HTRA4: variants seen among roughly 807,000 people sequenced by gnomAD.
HTRA4 encodes the protein serine protease HTRA4.
HTRA4 carries 46 observed loss-of-function variants against 49.1 expected under a neutral mutation model. That is an observed-to-expected ratio of 0.94 (90% CI 0.74 to 1.20). The LOEUF (loss-of-function observed/expected upper bound fraction) is 1.20, where lower values mean the gene tolerates loss of function less well. Ranked by LOEUF, HTRA4 falls within the 50% of genes most tolerant of loss-of-function variation. The pLI, the probability that HTRA4 is intolerant of heterozygous loss-of-function variation, is 0.00. For missense variants in HTRA4, 602 were observed against 636.9 expected (o/e 0.95, Z 0.59); for synonymous variants, 261 against 264.0 (o/e 0.99, Z 0.11).
At chr8:38,981,301 G>A (rs1366219726) in intron 5 of HTRA4, among the ~76,000 whole-genome samples, 9 of 151,394 alleles carry the variant, frequency 5.9e-5, no homozygotes, top group Non-Finnish European at 1.5e-5. Context: ...GGATGGTCTC[G>A]ATCTCCTGAC....
rs141254036 is a variant in HTRA4 at position 38,975,115 on chromosome 8, T to A, written c.551T>A (p.Val184Glu). 6.2e-7 allele frequency: 1 copy of A among 1,613,718 alleles called. No homozygotes were observed. Among genetic ancestry groups the A allele is most frequent in the Admixed American group, 1.7e-5 (1 of 60,014 alleles). The change falls in exon 2 of 9, where the codon GTG (valine) becomes GAG (glutamate). Residue 184 changes from valine (V) to glutamate (E), a missense_variant. By Grantham distance (121) the Val-to-Glu change is moderately radical. Coordinates refer to ENST00000302495, the MANE Select transcript of HTRA4 (RefSeq NM_153692.4). ...VEKVAPSVVH[V>E]QLWGRLLHGS... ...AAGGTGGCGCCATCGGTGGTTCACG[T>A]GCAGCTGTGGGGCAGGTAAAGGAGG...
chr8:38,986,544 C>T (rs993070476), intron 8 of HTRA4, among the ~76,000 whole-genome samples: 9 of 152,200 alleles, frequency 5.9e-5, no homozygotes, highest in Non-Finnish European at 2.9e-5. Flanking sequence ...GCTGGGATTA[C>T]AGTGTGAGCC....
chr8:38,975,124 G>T lies in HTRA4; in HGVS notation c.560G>T (p.Trp187Leu). ...VAPSVVHVQL[W>L]GRLLHGSRLV... Reference sequence around the variant, plus strand: ...CCATCGGTGGTTCACGTGCAGCTGTGGGGCAGGTAAAGGAGGAGGAGGAAG... The same window carrying T: ...CCATCGGTGGTTCACGTGCAGCTGTTGGGCAGGTAAAGGAGGAGGAGGAAG... The change falls in exon 2 of 9, where the codon TGG becomes TTG. Residue 187 changes from tryptophan to leucine, a missense_variant. By Grantham distance (61) the Trp-to-Leu change is moderately conservative. Coordinates refer to ENST00000302495, the MANE Select transcript of HTRA4 (RefSeq NM_153692.4). 6.2e-7 allele frequency: 1 copy of T among 1,613,466 alleles called. No individual in the cohort carries two copies. The highest frequency in any genetic ancestry group is 8.5e-7 in the Non-Finnish European group (1 of 1,179,962).
At chr8:38,987,293 ATATACTC>A (rs1275932744) in intron 8 of HTRA4, among the ~76,000 whole-genome samples, 4 of 152,302 alleles carry the variant, frequency 2.6e-5, no homozygotes, top group South Asian at 2.1e-4. Context: ...CTTCTAGAAT[ATATACTC>A]TATGTGAAGC....
intron 3 of HTRA4, 147 bp downstream of exon 3, chr8:38,976,886 CT>C: frequency 1.3e-6 from 1 of 771,288 alleles, no homozygotes; most frequent in Non-Finnish European, 2.1e-6. Context: ...TTTACTCCCT[CT>C]TTTATTTATT....
intron 8 of HTRA4, among the ~76,000 whole-genome samples, chr8:38,985,161 CTTT>C (rs773305917): frequency 2.3e-5 from 3 of 130,692 alleles, no homozygotes; most frequent in African/African-American, 5.6e-5. Context: ...TGTTGTACTT[CTTT>C]TTTTTTTTTT....
In HTRA4 at chr8:38,981,063, G is replaced by GTTTTTTTTTTT. The variant is rs71216700; in HGVS notation, c.1000-566_1000-556dup. 7.5e-4 allele frequency among the ~76,000 whole-genome samples: 36 copies of GTTTTTTTTTTT among 48,152 alleles called. 3 individuals are homozygous for GTTTTTTTTTTT. The highest frequency in any genetic ancestry group is 4.4e-3 in the East Asian group (4 of 914). The allele number at this position is 48,152 out of a possible 152,430, so 31.6% of individuals were successfully genotyped here. On this transcript the variant is annotated intron_variant, in intron 5 of 8. Coordinates refer to ENST00000302495, the MANE Select transcript of HTRA4 (RefSeq NM_153692.4). ...TACTAAAGGAAAAAAATGAGCTTAA[G>GTTTTTTTTTTT]TTTTTTTTTTTTTTTTTTTTTTTTT...
At position 38,988,375 on chromosome 8, in the gene HTRA4, G is replaced by A. The variant is rs1275635814; in HGVS notation, c.*277G>A. ...CCATTATCCTCAGCAAACTAACGCA[G>A]GAACAGAAAACCAAATACTGCATGT... is the stretch of plus-strand genomic sequence containing the variant. On this transcript the variant is annotated 3_prime_UTR_variant, in exon 9 of 9. Coordinates refer to ENST00000302495, the MANE Select transcript of HTRA4 (RefSeq NM_153692.4). 3 of 225,938 alleles carry A rather than the reference G, an allele frequency of 1.3e-5. No individual in the cohort carries two copies. Among genetic ancestry groups the A allele is most frequent in the Non-Finnish European group, 2.6e-5 (3 of 117,118 alleles). The allele number at this position is 225,938 out of a possible 1,614,324, so 14.0% of individuals were successfully genotyped here. A position where few individuals can be genotyped will look rare whatever the true frequency, so the allele number is the denominator to read the frequency against.
chr8:38,978,236 C>A, intron 4 of HTRA4, 89 bp downstream of exon 4: 1 of 1,163,292 alleles, frequency 8.6e-7, no homozygotes, highest in Non-Finnish European at 1.2e-6. Context: ...GCACAGCAGG[C>A]TGTGAGCCAT....
chr8:38,982,382 C>T (rs1835434230), intron 6 of HTRA4, 116 bp from the exon 7 acceptor site: 1 of 832,058 alleles, frequency 1.2e-6, no homozygotes, highest in South Asian at 1.6e-5. Flanking sequence ...GTGTTTCATC[C>T]AGGTAACCTG....
Position 38,974,246 on chromosome 8 carries a change from A to C in HTRA4, c.-18A>C. ...CCAGAGTAAAGTCACTGAAGAGTGG[A>C]AGCGAGGAAGGAACAGGATGATTAG... On this transcript the variant is annotated 5_prime_UTR_variant, in exon 1 of 9. Transcript: ENST00000302495. 6.2e-7 allele frequency: 1 copy of C among 1,611,856 alleles called. No individual in the cohort carries two copies. Among genetic ancestry groups the C allele is most frequent in the Non-Finnish European group, 8.5e-7 (1 of 1,179,090 alleles).
intron 5 of HTRA4, 111 bp from the exon 6 acceptor site, chr8:38,981,542 C>A (rs1383235369): frequency 2.8e-6 from 2 of 714,080 alleles, no homozygotes; most frequent in Admixed American, 2.4e-5. Flanking sequence ...TCCTCTCGGC[C>A]CTGTTTTCTG....
intron 6 of HTRA4, 28 bp from the exon 7 acceptor site, chr8:38,982,470 T>A: frequency 6.2e-7 from 1 of 1,602,736 alleles, no homozygotes; most frequent in Non-Finnish European, 8.5e-7. Context: ...GAGGTTTTGT[T>A]GTAACACATC....
intron 2 of HTRA4, among the ~76,000 whole-genome samples, chr8:38,975,894 T>C (rs1181074421): frequency 6.6e-6 from 1 of 152,210 alleles, no homozygotes; most frequent in Non-Finnish European, 1.5e-5. Flanking sequence ...GGTAAGAGGC[T>C]GACTTTTGCC....
intron 4 of HTRA4, among the ~76,000 whole-genome samples, chr8:38,978,651 C>A (rs762781578): frequency 2.0e-5 from 3 of 152,148 alleles, no homozygotes; most frequent in Non-Finnish European, 4.4e-5. Flanking sequence ...TGATCGCTGG[C>A]ATCCATGCTA....
Position 38,974,678 on chromosome 8 carries a change from C to G in HTRA4, c.415C>G (p.Leu139Val). 1.4e-6 allele frequency: 2 copies of G among 1,402,520 alleles called. No individual in the cohort carries two copies. Among genetic ancestry groups the G allele is most frequent in the Non-Finnish European group, 1.8e-6 (2 of 1,088,530 alleles). The allele number at this position is 1,402,520 out of a possible 1,614,324, so 86.9% of individuals were successfully genotyped here. The change falls in exon 1 of 9, where the codon CTG becomes GTG. Residue 139 changes from leucine (L) to valine (V), a missense_variant. Physicochemically the swap from Leu to Val is conservative, Grantham distance 32. Transcript: ENST00000302495. ...GGCCGAAAACCGCGCCGCGCGCCGC[C>G]TGGGCAAGGTCCCGGCCGTGCCTGT... is the stretch of plus-strand genomic sequence containing the variant. The part of the protein sequence containing the change: ...LRAENRAARR[L>V]GKVPAVPVQW...
Position 38,988,056 on chromosome 8 carries a change from A to AGAT in HTRA4, c.1390_1392dup (p.Asp464dup). The stretch of plus-strand genomic sequence containing the variant: ...TTTCCATGGCTGTTCTTCGGGGAAA[A>AGAT]GATAATTTGCTCCTGACAGTCATAC... On this transcript the variant is annotated inframe_insertion, in exon 9 of 9. Coordinates refer to ENST00000302495, the MANE Select transcript of HTRA4 (RefSeq NM_153692.4). 1 of 1,611,420 alleles carries AGAT rather than the reference A, an allele frequency of 6.2e-7. No individual in the cohort carries two copies. Among genetic ancestry groups the AGAT allele is most frequent in the Non-Finnish European group, 8.5e-7 (1 of 1,179,168 alleles).
chr8:38,987,326 A>G (rs1267036654), intron 8 of HTRA4, among the ~76,000 whole-genome samples: 1 of 152,224 alleles, frequency 6.6e-6, no homozygotes. Context: ...TGTTGAAGGC[A>G]ATAAAGTCAC....
rs1835510400 is a variant in HTRA4 at position 38,988,206 on chromosome 8, T to G, written c.*108T>G. On this transcript the variant is annotated 3_prime_UTR_variant, in exon 9 of 9. Transcript: ENST00000302495. ...GGCAAGAAGTTTTTGGATCTTTTTC[T>G]TACAAAGAAAAATGGATGGTTATCA... 2.4e-5 allele frequency: 25 copies of G among 1,021,086 alleles called. No individual in the cohort carries two copies. In the South Asian group the frequency reaches 4.5e-4, roughly 18 times the overall value. The allele number at this position is 1,021,086 out of a possible 1,614,324, so 63.3% of individuals were successfully genotyped here.
Sources: gnomAD v4.1 joint callset for allele counts (sites outside exome capture counted in the v4.1 genomes callset) on GRCh38, gnomAD v4.1.1 for gene constraint, MANE v1.5 for transcripts, NCBI Gene and HGNC (gene_info 2026-07-23, HGNC 2026-07-21) for gene names.